The following XKR4 variants were observed in gnomAD, a reference collection of about 807,000 sequenced individuals.
The protein encoded by XKR4 is XK-related protein 4.
XKR4 carries 12 observed loss-of-function variants against 53.9 expected under a neutral mutation model. The observed-to-expected ratio is 0.22, with a 90% CI of 0.14 to 0.36. XKR4 has a LOEUF of 0.36. XKR4 is among the 10% of genes least tolerant of loss of function. XKR4 has a pLI of 1.00. For missense variants in XKR4, 799 were observed against 859.5 expected (o/e 0.93, Z 0.88); for synonymous variants, 354 against 362.4 (o/e 0.98, Z 0.26).
intron 1 of XKR4, among the ~76,000 whole-genome samples, chr8:55,183,514 C>T (rs1817341101): frequency 6.6e-6 from 1 of 151,964 alleles, no homozygotes; most frequent in South Asian, 2.1e-4. Context: ...TACAAGTATA[C>T]TGCTTAATTT....
intron 2 of XKR4, among the ~76,000 whole-genome samples, chr8:55,415,620 A>C (rs1455304344): frequency 2.0e-5 from 3 of 151,964 alleles, no homozygotes; most frequent in African/African-American, 7.3e-5. Context: ...AAACGATTAA[A>C]CTCCTTCGAA....
At chr8:55,452,210 T>G (rs898739397) in intron 2 of XKR4, 1 of 680,044 alleles carries the variant, frequency 1.5e-6, no homozygotes, top group Non-Finnish European at 2.6e-6. Context: ...CAAAGGCCAT[T>G]TTCAGCAGCT....
chr8:55,498,272 G>A (rs1349735327), intron 2 of XKR4, among the ~76,000 whole-genome samples: 1 of 152,178 alleles, frequency 6.6e-6, no homozygotes, highest in African/African-American at 2.4e-5. Context: ...CCACTGCTAG[G>A]GAAGACGGAT....
At chr8:55,290,472 G>C (rs1819003761) in intron 1 of XKR4, among the ~76,000 whole-genome samples, 1 of 151,970 alleles carries the variant, frequency 6.6e-6, no homozygotes, top group African/African-American at 2.4e-5. Flanking sequence ...ATGCAGGTTT[G>C]TTACATAGGT....
intron 1 of XKR4, among the ~76,000 whole-genome samples, chr8:55,217,787 TACAC>T (rs1033796800): frequency 2.3e-5 from 3 of 129,980 alleles, no homozygotes; most frequent in African/African-American, 7.7e-5. Context: ...GATAGATAGA[TACAC>T]ACAGATAAAT....
At chr8:55,477,674 T>G (rs1044187916) in intron 2 of XKR4, among the ~76,000 whole-genome samples, 9 of 150,422 alleles carry the variant, frequency 6.0e-5, no homozygotes, top group Non-Finnish European at 1.2e-4. Flanking sequence ...ATTAGATGAA[T>G]GGATAACTAG....
At chr8:55,225,535 A>G (rs1192057614) in intron 1 of XKR4, among the ~76,000 whole-genome samples, 3 of 152,146 alleles carry the variant, frequency 2.0e-5, no homozygotes, top group African/African-American at 7.2e-5. Context: ...TATCTATGGA[A>G]CCATTCTCCT....
chr8:55,242,679 G>A (rs924366621), intron 1 of XKR4, among the ~76,000 whole-genome samples: 6 of 152,120 alleles, frequency 3.9e-5, no homozygotes, highest in Admixed American at 6.6e-5. Flanking sequence ...CAGAAGGGAC[G>A]TGTGCCCACC....
At chr8:55,126,050 C>G (rs1158527654) in intron 1 of XKR4, among the ~76,000 whole-genome samples, 2 of 152,036 alleles carry the variant, frequency 1.3e-5, no homozygotes, top group Admixed American at 6.6e-5. Flanking sequence ...GACACCCACA[C>G]CAACTCACTT....
chr8:55,258,688 A>G (rs1818473225), intron 1 of XKR4, among the ~76,000 whole-genome samples: 1 of 152,188 alleles, frequency 6.6e-6, no homozygotes, highest in South Asian at 2.1e-4. Flanking sequence ...TTTTAATTAA[A>G]AGCATCATCA....
intron 1 of XKR4, among the ~76,000 whole-genome samples, chr8:55,192,543 T>G (rs1475242516): frequency 6.6e-6 from 1 of 152,168 alleles, no homozygotes; most frequent in African/African-American, 2.4e-5. Flanking sequence ...AAAATTAATC[T>G]GAAATACAGA....
At chr8:55,391,102 T>C (rs1344588142) in intron 2 of XKR4, among the ~76,000 whole-genome samples, 7 of 152,180 alleles carry the variant, frequency 4.6e-5, no homozygotes, top group Non-Finnish European at 1.0e-4. Flanking sequence ...TCCTGTAACA[T>C]TGACAGAGGT....
At chr8:55,261,868 A>G (rs1472439440) in intron 1 of XKR4, among the ~76,000 whole-genome samples, 1 of 151,988 alleles carries the variant, frequency 6.6e-6, no homozygotes, top group Non-Finnish European at 1.5e-5. Context: ...AAGAAAAGGG[A>G]AGATTTGGCT....
intron 2 of XKR4, among the ~76,000 whole-genome samples, chr8:55,404,304 C>A (rs1036519915): frequency 3.3e-5 from 5 of 152,120 alleles, no homozygotes; most frequent in Admixed American, 1.3e-4. Context: ...GGTAGATAAT[C>A]ACATGACACA....
intron 2 of XKR4, among the ~76,000 whole-genome samples, chr8:55,362,267 G>A (rs1300439638): frequency 1.3e-5 from 2 of 152,158 alleles, no homozygotes; most frequent in Non-Finnish European, 2.9e-5. Context: ...TTTGAGGCAT[G>A]TGAAAACGGG....
At chr8:55,436,128 T>A (rs995048905) in intron 2 of XKR4, among the ~76,000 whole-genome samples, 2 of 152,206 alleles carry the variant, frequency 1.3e-5, no homozygotes, top group African/African-American at 4.8e-5. Context: ...GTACAAGCCA[T>A]CTTATGATTG....
chr8:55,219,508 G>A (rs536921562), intron 1 of XKR4, among the ~76,000 whole-genome samples: 1 of 152,188 alleles, frequency 6.6e-6, no homozygotes, highest in Admixed American at 6.5e-5. Flanking sequence ...TTACCAAGGG[G>A]CTCCAAAAAC....
At chr8:55,453,489 C>T in intron 2 of XKR4, 1 of 393,922 alleles carries the variant, frequency 2.5e-6, no homozygotes, top group Non-Finnish European at 5.1e-6. Flanking sequence ...TTGCCCACGA[C>T]CTCCAGCTGC....
At chr8:55,301,644 C>T (rs1213968621) in intron 1 of XKR4, among the ~76,000 whole-genome samples, 1 of 152,172 alleles carries the variant, frequency 6.6e-6, no homozygotes, top group Non-Finnish European at 1.5e-5. Context: ...TCTCCACATC[C>T]TCTCCAGCAC....
Sources: gnomAD v4.1 joint callset for allele counts (sites outside exome capture counted in the v4.1 genomes callset) on GRCh38, gnomAD v4.1.1 for gene constraint, MANE v1.5 for transcripts, NCBI Gene and HGNC (gene_info 2026-07-23, HGNC 2026-07-21) for gene names.